The following BRI3 variants were observed in gnomAD, a reference collection of about 807,000 sequenced individuals.
The protein encoded by BRI3 is membrane protein BRI3.
Under a neutral mutation model 12.8 loss-of-function variants are expected in BRI3, and 6 were observed. The observed-to-expected ratio is 0.47, with a 90% CI of 0.26 to 0.93. The LOEUF (loss-of-function observed/expected upper bound fraction) is 0.93. BRI3 is among the 40% of genes least tolerant of loss of function. BRI3 has a pLI of 0.15. For missense variants in BRI3, 134 were observed against 171.1 expected, an observed-to-expected ratio of 0.78 and a Z score of 1.21; for synonymous variants, 91 against 76.1, an observed-to-expected ratio of 1.20 and a Z score of -1.02.
At chr7:98,311,039 A>G (rs560401669), downstream of BRI3, among the ~76,000 whole-genome samples, 35 of 152,016 alleles carry the variant, frequency 2.3e-4, no homozygotes, top group South Asian at 7.1e-3. Context: ...TGTTCAAAGT[A>G]CCTGCTGCAT....
chr7:98,315,426 T>C, downstream of BRI3: 1 of 1,367,572 alleles, frequency 7.3e-7, no homozygotes, highest in Non-Finnish European at 9.5e-7. Flanking sequence ...ATAAAGTTAT[T>C]AATACGCTCA....
chr7:98,312,184 C>A (rs1800899609), downstream of BRI3: 1 of 1,613,946 alleles, frequency 6.2e-7, no homozygotes, highest in Non-Finnish European at 8.5e-7. Context: ...CGATCATATT[C>A]ATGATTTTCT....
chr7:98,288,140 C>T (rs1271444545), intron 2 of BRI3, among the ~76,000 whole-genome samples: 2 of 152,188 alleles, frequency 1.3e-5, no homozygotes, highest in Non-Finnish European at 2.9e-5. Context: ...GAATATACAG[C>T]CAGTGTGTTT....
intron 1 of BRI3, among the ~76,000 whole-genome samples, chr7:98,299,729 T>G (rs751024178): frequency 6.6e-6 from 1 of 152,166 alleles, no homozygotes; most frequent in Non-Finnish European, 1.5e-5. Flanking sequence ...TGGCAACCAC[T>G]AGCTGTATAT....
exon 2 of BRI3, chr7:98,307,712 A>T (rs546267054): frequency 1.2e-6 from 2 of 1,614,180 alleles, no homozygotes; most frequent in African/African-American, 1.3e-5. Flanking sequence ...CGTGTTCTCC[A>T]TAGAGCCAGC....
chr7:98,307,636 TGGAA>T, exon 2 of BRI3: 2 of 1,603,104 alleles, frequency 1.2e-6, no homozygotes, highest in South Asian at 1.1e-5. Flanking sequence ...TTGGCTGCTC[TGGAA>T]GGGAGGGGCC....
the BRI3 span, chr7:98,323,328 A>G: frequency 6.6e-6 from 1 of 152,226 alleles, no homozygotes; most frequent in Non-Finnish European, 1.5e-5. Context: ...ATGAAATATA[A>G]ACAACAACAA....
the BRI3 span, among the ~76,000 whole-genome samples, chr7:98,321,477 C>T: frequency 2.2e-4 from 33 of 152,294 alleles, no homozygotes; most frequent in East Asian, 1.2e-3. Context: ...AGCACAGTCA[C>T]ATGATGGGCA....
At chr7:98,291,647 AAATGTTTTCAAGTTCTGCTTTATTATT>A (rs1799961089), downstream of BRI3, 1 of 417,478 alleles carries the variant, frequency 2.4e-6, no homozygotes, top group South Asian at 8.1e-5. Context: ...CAGCTCAAGA[AAATGTTTTCAAGTTCTGCTTTATTATT>A]AAAGTTGTAA....
chr7:98,315,008 T>C (rs1043850729), downstream of BRI3, among the ~76,000 whole-genome samples: 4 of 152,252 alleles, frequency 2.6e-5, no homozygotes, highest in East Asian at 7.7e-4. Flanking sequence ...TATAAGTTTA[T>C]ATGTTCAAGT....
At chr7:98,308,814 A>ACTC (rs1800763188) in exon 2 of BRI3, 2 of 154,092 alleles carry the variant, frequency 1.3e-5, no homozygotes, top group Admixed American at 1.3e-4. Context: ...AGTAGCTGGG[A>ACTC]CTACAGGCAC....
upstream of BRI3, chr7:98,306,521 C>G (rs766297356): frequency 6.2e-7 from 1 of 1,614,080 alleles, no homozygotes; most frequent in Non-Finnish European, 8.5e-7. Flanking sequence ...CCCCTCCTAC[C>G]GGCAAAGAGG....
At chr7:98,318,381 C>T in the BRI3 span, among the ~76,000 whole-genome samples, 4 of 152,034 alleles carry the variant, frequency 2.6e-5, no homozygotes, top group African/African-American at 9.7e-5. Flanking sequence ...CTCTGCCTCC[C>T]GGGTTCAAGT....
the BRI3 span, chr7:98,317,248 C>A: frequency 3.1e-6 from 5 of 1,614,072 alleles, no homozygotes; most frequent in Non-Finnish European, 4.2e-6. Flanking sequence ...TATTTGAGTG[C>A]GTTTCGGCTT....
upstream of BRI3, among the ~76,000 whole-genome samples, chr7:98,305,229 C>A (rs1409297735): frequency 6.6e-6 from 1 of 150,772 alleles, no homozygotes; most frequent in Non-Finnish European, 1.5e-5. Context: ...GGAGAGGAAA[C>A]CTTTTAAATT....
At chr7:98,320,151 T>G in the BRI3 span, 2 of 1,602,338 alleles carry the variant, frequency 1.2e-6, no homozygotes, top group African/African-American at 1.3e-5. Flanking sequence ...AGGAAATAAA[T>G]TCATACCAGG....
exon 2 of BRI3, chr7:98,308,934 C>T (rs1490591054): frequency 6.6e-6 from 1 of 152,054 alleles, no homozygotes; most frequent in Non-Finnish European, 1.5e-5. Flanking sequence ...CCAGCTTGGC[C>T]TCCCAAAGTG....
At chr7:98,315,630 A>ATAATAC in the BRI3 span, 1 of 1,103,270 alleles carries the variant, frequency 9.1e-7, no homozygotes, top group Non-Finnish European at 1.2e-6. Flanking sequence ...AAAAAAAATA[A>ATAATAC]TAATAATAAT....
At chr7:98,294,240 A>C, downstream of BRI3, 1 of 910,378 alleles carries the variant, frequency 1.1e-6, no homozygotes. Context: ...TGATCCTTCC[A>C]CCTTGGCCTC....
Sources: allele counts gnomAD v4.1 joint callset (sites outside exome capture counted in the v4.1 genomes callset), GRCh38; gene constraint gnomAD v4.1.1; transcripts MANE v1.5; gene names NCBI Gene and HGNC (gene_info 2026-07-23, HGNC 2026-07-21).